The following CEP192 variants were observed in gnomAD, a reference collection of about 807,000 sequenced individuals.
The protein encoded by CEP192 is centrosomal protein of 192 kDa.
Under a neutral mutation model 271.8 loss-of-function variants are expected in CEP192, and 151 were observed. That is an observed-to-expected ratio of 0.56 (90% CI 0.49 to 0.64). The LOEUF (loss-of-function observed/expected upper bound fraction) is 0.64. Ranked by LOEUF, CEP192 falls within the 30% of genes least tolerant of loss-of-function variation. CEP192 has a pLI of 0.00. For synonymous variants in CEP192, 995 were observed against 1,076.5 expected (o/e 0.92, Z 1.48); for missense variants, 2,910 against 3,020.5 (o/e 0.96, Z 0.86).
Position 12,999,443 on chromosome 18 carries a change from A to G in CEP192, c.19A>G (p.Ile7Val), listed in dbSNP as rs2033469446. The G allele has an allele frequency of 1.3e-6, 2 of 1,548,246 alleles. No homozygotes were observed. Among genetic ancestry groups the G allele is most frequent in the African/African-American group, 1.4e-5 (1 of 73,094 alleles). The change falls in exon 2 of 45, where the codon ATA becomes GTA. Residue 7 changes from isoleucine to valine, a missense_variant. Ile to Val is a conservative substitution (Grantham distance 29). Transcript: ENST00000506447. MEDFRG[I>V]AEESFPSFLT... is the part of the protein sequence containing the mutation. ...CAGTGAGATGGAAGATTTTCGAGGTATAGCAGAAGAATCATTTCCAAGCTT... is the reference window on the plus strand; with the variant it reads ...CAGTGAGATGGAAGATTTTCGAGGTGTAGCAGAAGAATCATTTCCAAGCTT...
chr18:12,993,350 TC>T (rs1330463691), intron 1 of CEP192, among the ~76,000 whole-genome samples: 4 of 152,138 alleles, frequency 2.6e-5, no homozygotes, highest in Non-Finnish European at 5.9e-5. Context: ...GTATGGTCGT[TC>T]CCTCAGGTTA....
At chr18:13,114,075 A>G in intron 41 of CEP192, 55 bp from the exon 42 acceptor site, 13 of 1,542,300 alleles carry the variant, frequency 8.4e-6, no homozygotes, top group Middle Eastern at 1.7e-4. Context: ...GTAAATGTCC[A>G]TATATTTTCT....
chr18:13,039,264 G>A (rs1224367870), intron 13 of CEP192, among the ~76,000 whole-genome samples: 2 of 152,048 alleles, frequency 1.3e-5, no homozygotes, highest in Admixed American at 6.5e-5. Flanking sequence ...AGACCAACCG[G>A]CCAACATGGT....
intron 3 of CEP192, among the ~76,000 whole-genome samples, chr18:13,007,631 C>T (rs987218201): frequency 3.0e-4 from 46 of 152,146 alleles, no homozygotes; most frequent in African/African-American, 1.1e-3. Context: ...ATGAAATTTT[C>T]CTGTACCTAC....
At chr18:13,084,460 G>A (rs866900581) in intron 30 of CEP192, among the ~76,000 whole-genome samples, 2 of 152,192 alleles carry the variant, frequency 1.3e-5, no homozygotes, top group African/African-American at 4.8e-5. Flanking sequence ...CTGGTGTGCC[G>A]TTTGCTAAGA....
intron 40 of CEP192, among the ~76,000 whole-genome samples, chr18:13,110,118 CTAAGAT>C (rs1282127796): frequency 6.6e-6 from 1 of 152,090 alleles, no homozygotes; most frequent in African/African-American, 2.4e-5. Context: ...TTTGTTCATT[CTAAGAT>C]TTAGTGCACA....
chr18:13,061,464 A>G (rs2037403332), intron 21 of CEP192, among the ~76,000 whole-genome samples: 1 of 152,262 alleles, frequency 6.6e-6, no homozygotes. Flanking sequence ...CCCACAGTAC[A>G]CGTTCTCTAG....
chr18:13,076,750 G>T (rs541182802), intron 30 of CEP192, among the ~76,000 whole-genome samples: 1 of 152,056 alleles, frequency 6.6e-6, no homozygotes, highest in East Asian at 1.9e-4. Context: ...GGATTTGTAG[G>T]AGCTTCCAAT....
At chr18:13,052,252 T>C (rs960996769) in intron 17 of CEP192, among the ~76,000 whole-genome samples, 2 of 152,218 alleles carry the variant, frequency 1.3e-5, no homozygotes, top group African/African-American at 4.8e-5. Flanking sequence ...GGGACATCTT[T>C]CTGAACCAAG....
At chr18:13,082,432 C>CTTTT (rs57663388) in intron 30 of CEP192, among the ~76,000 whole-genome samples, 32 of 49,934 alleles carry the variant, frequency 6.4e-4, no homozygotes, top group African/African-American at 9.7e-4. Flanking sequence ...GCAACCCCTG[C>CTTTT]TTTTTTTTTT....
At chr18:13,001,818 C>T (rs1447685683) in intron 3 of CEP192, among the ~76,000 whole-genome samples, 1 of 152,198 alleles carries the variant, frequency 6.6e-6, no homozygotes, top group Non-Finnish European at 1.5e-5. Flanking sequence ...ATTCTCCTGC[C>T]TCAGCCTCCT....
At position 13,039,470 on chromosome 18, in the gene CEP192, AAG is replaced by A. The variant is rs562036979; in HGVS notation, c.1809+892_1809+893del. Among the ~76,000 whole-genome samples, 28 of 151,268 alleles carry A rather than the reference AAG, an allele frequency of 1.9e-4. No homozygotes were observed. In the South Asian group the frequency reaches 4.6e-3, roughly 25 times the overall value. On this transcript the variant is annotated intron_variant, in intron 13 of 44. Transcript: ENST00000506447. ...GACTCCATCTCAAAAAAAAAAAAAA[AAG>A]TGATTTTTTTCTTGTGAGAAGAAAT...
chr18:13,107,913 C>T (rs964070521), intron 40 of CEP192, among the ~76,000 whole-genome samples: 2 of 146,820 alleles, frequency 1.4e-5, no homozygotes, highest in African/African-American at 5.0e-5. Context: ...TATAAGGCTA[C>T]AGTAACCATA....
Position 13,104,723 on chromosome 18 carries a change from G to A in CEP192, c.6952-261G>A, listed in dbSNP as rs999050732. 2.0e-5 allele frequency among the ~76,000 whole-genome samples: 3 copies of A among 152,198 alleles called. 1 individual carries two copies. Among genetic ancestry groups the A allele is most frequent in the Non-Finnish European group, 4.4e-5 (3 of 68,034 alleles). The stretch of plus-strand genomic sequence containing the variant: ...AAAAGATAGTTGTTTGACATTATGA[G>A]CCTCACTATAAAGATCACTATAGCC... On this transcript the variant is annotated intron_variant, in intron 39 of 44. Transcript: ENST00000506447.
chr18:13,124,990 G>T lies in CEP192; in HGVS notation c.*220G>T. ...TTTACAGGTGAGAAGAGAGTTCTGT[G>T]TTTGCATTGATTATGATATTCTGAA... On this transcript the variant is annotated 3_prime_UTR_variant, in exon 45 of 45. Transcript: ENST00000506447. 2.6e-6 allele frequency: 1 copy of T among 384,506 alleles called. No homozygotes were observed. The highest frequency in any genetic ancestry group is 4.7e-6 in the Non-Finnish European group (1 of 210,616). 23.8% of individuals were successfully genotyped at this position (384,506 alleles called of 1,614,324 possible).
intron 9 of CEP192, among the ~76,000 whole-genome samples, chr18:13,027,275 A>T (rs996838269): frequency 6.6e-6 from 1 of 152,152 alleles, no homozygotes; most frequent in African/African-American, 2.4e-5. Context: ...GTGCCCTGTT[A>T]TATTTCAAAA....
At chr18:13,008,832 T>G (rs945449175) in intron 4 of CEP192, among the ~76,000 whole-genome samples, 9 of 151,664 alleles carry the variant, frequency 5.9e-5, no homozygotes, top group Non-Finnish European at 8.8e-5. Context: ...TCAGCCTCCT[T>G]AGTAGCTGGG....
chr18:13,073,597 T>C (rs2038122859), intron 30 of CEP192, among the ~76,000 whole-genome samples: 1 of 152,212 alleles, frequency 6.6e-6, no homozygotes, highest in Non-Finnish European at 1.5e-5. Context: ...TAATTTATAA[T>C]AAACAACAGA....
At chr18:12,992,539 AATAGG>A (rs1354822376) in intron 1 of CEP192, among the ~76,000 whole-genome samples, 1 of 152,226 alleles carries the variant, frequency 6.6e-6, no homozygotes, top group African/African-American at 2.4e-5. Context: ...ACTCAGTTCA[AATAGG>A]ATAGAAGAAA....
Sources: gnomAD v4.1 joint callset for allele counts (sites outside exome capture counted in the v4.1 genomes callset) on GRCh38, gnomAD v4.1.1 for gene constraint, MANE v1.5 for transcripts, NCBI Gene and HGNC (gene_info 2026-07-23, HGNC 2026-07-21) for gene names.